ZUP1: variants seen among roughly 807,000 people sequenced by gnomAD.
ZUP1 encodes zinc finger-containing ubiquitin peptidase 1.
A neutral mutation model predicts 68.1 loss-of-function variants in ZUP1; 55 were observed. The ratio of observed to expected loss-of-function variants is 0.81; its 90% CI spans 0.65 to 1.01. The LOEUF is 1.01. ZUP1 is among the 50% of genes least tolerant of loss of function. The pLI, the probability that ZUP1 is intolerant of heterozygous loss-of-function variation, is 0.00. For missense variants in ZUP1, 684 were observed against 674.9 expected, an observed-to-expected ratio of 1.01 and a Z score of -0.15; for synonymous variants, 223 against 221.5, an observed-to-expected ratio of 1.01 and a Z score of -0.06.
rs1340792592 is a variant in ZUP1 at position 116,647,584 on chromosome 6, G to A, written c.1343C>T (p.Ser448Leu). The A allele has an allele frequency of 4.4e-6, 7 of 1,577,194 alleles. No homozygotes were observed. Among genetic ancestry groups the A allele is most frequent in the Admixed American group, 3.4e-5 (2 of 58,742 alleles). Reference protein sequence around the residue: ...VKCHIVDFHKSTGPLGTHPRL... With the variant: ...VKCHIVDFHKLTGPLGTHPRL... ...AGGGTGTGTACCCAAAGGACCAGTT[G>A]ATTTGTGAAAATCAACAATATGACA... is the stretch of plus-strand genomic sequence containing the variant. Residue 448 changes from serine (S) to leucine (L), a missense_variant, in exon 8 of 10, where the codon TCA becomes TTA. Coordinates refer to ENST00000368576, the MANE Select transcript of ZUP1 (RefSeq NM_145062.3).
intron 9 of ZUP1, among the ~76,000 whole-genome samples, chr6:116,639,560 A>G (rs1084883): frequency 0.86 from 130,706 of 152,108 alleles, 56,580 homozygotes; most frequent in African/African-American, 0.96. Flanking sequence ...AGCCACTGCT[A>G]CTGATACCCA....
chr6:116,643,531 C>T (rs1363930924), intron 9 of ZUP1, among the ~76,000 whole-genome samples: 1 of 152,158 alleles, frequency 6.6e-6, no homozygotes, highest in Non-Finnish European at 1.5e-5. Context: ...AGAAATAATG[C>T]CGCATATCTA....
chr6:116,638,290 T>C (rs1299682848), intron 9 of ZUP1, among the ~76,000 whole-genome samples: 1 of 152,180 alleles, frequency 6.6e-6, no homozygotes, highest in Non-Finnish European at 1.5e-5. Flanking sequence ...TTACGCATTT[T>C]CTACACTTGA....
rs1562408225 is a variant in ZUP1, at chr6:116,656,823, T to C, written c.822A>G (p.Gly274=). Residue 274 remains glycine, a synonymous_variant, in exon 5 of 10, where the codon GGA becomes GGG. Coordinates refer to ENST00000368576, the MANE Select transcript of ZUP1 (RefSeq NM_145062.3). Reference sequence around the variant, plus strand: ...TATTTCGTAGTTGTTGTTGTTTGTATCCTCCAGAATTATCTAAACCATATT... The same window carrying C: ...TATTTCGTAGTTGTTGTTGTTTGTACCCTCCAGAATTATCTAAACCATATT... ...QRQYGLDNSG[G]YKQQQLRNME... is the part of the protein sequence containing the mutation. The C allele has an allele frequency of 1.9e-6, 3 of 1,606,188 alleles. No homozygotes were observed. Among genetic ancestry groups the C allele is most frequent in the Non-Finnish European group, 1.7e-6 (2 of 1,175,556 alleles).
intron 4 of ZUP1, among the ~76,000 whole-genome samples, chr6:116,657,707 G>C (rs1448873305): frequency 6.6e-6 from 1 of 152,164 alleles, no homozygotes; most frequent in South Asian, 2.1e-4. Flanking sequence ...ATACAAACCT[G>C]TTTAACTGAA....
At chr6:116,663,805 G>C (rs928425370) in intron 2 of ZUP1, among the ~76,000 whole-genome samples, 30 of 152,094 alleles carry the variant, frequency 2.0e-4, no homozygotes, top group African/African-American at 7.0e-4. Flanking sequence ...AAATTAGCTG[G>C]GCGTGGTGGT....
intron 9 of ZUP1, among the ~76,000 whole-genome samples, chr6:116,644,335 C>T (rs981571602): frequency 1.3e-5 from 2 of 152,160 alleles, no homozygotes; most frequent in African/African-American, 2.4e-5. Flanking sequence ...CATCCTATTA[C>T]TGGGTATATA....
chr6:116,661,310 T>G (rs941143242), intron 2 of ZUP1, among the ~76,000 whole-genome samples: 1 of 152,034 alleles, frequency 6.6e-6, no homozygotes, highest in African/African-American at 2.4e-5. Context: ...AGGGTCGAGA[T>G]AGAAGGCTGA....
At position 116,666,911 on chromosome 6, in the gene ZUP1, A is replaced by G; in HGVS notation, c.282T>C (p.Gly94=). ...GMEVNSSILS[G]CASNHPKNSA... ...AATTTTTTGGATGATTAGATGCACA[A>G]CCTGAAAGAATACTTGAATTAACTT... Residue 94 remains glycine, a synonymous_variant, in exon 2 of 10, where the codon GGT becomes GGC. Coordinates refer to ENST00000368576, the MANE Select transcript of ZUP1 (RefSeq NM_145062.3). The G allele has an allele frequency of 6.2e-7, 1 of 1,612,572 alleles. No individual in the cohort carries two copies. Among genetic ancestry groups the G allele is most frequent in the Non-Finnish European group, 8.5e-7 (1 of 1,179,596 alleles).
intron 9 of ZUP1, among the ~76,000 whole-genome samples, chr6:116,644,582 C>T (rs947623511): frequency 3.3e-5 from 5 of 151,426 alleles, no homozygotes; most frequent in Non-Finnish European, 7.4e-5. Context: ...AGTAAACTAT[C>T]GCAAGAACAA....
chr6:116,650,913 T>TACACAC (rs370152468), intron 7 of ZUP1, among the ~76,000 whole-genome samples: 16 of 149,788 alleles, frequency 1.1e-4, no homozygotes, highest in African/African-American at 3.9e-4. Flanking sequence ...AAAATGAGAC[T>TACACAC]ACACACACAC....
Position 116,666,882 on chromosome 6 carries a change from G to A in ZUP1, c.311C>T (p.Ala104Val). Reference sequence around the variant, plus strand: ...AGTACTATCTTTAGTCAGGTTTTGAGCTGAATTTTTTGGATGATTAGATGC... The same window carrying A: ...AGTACTATCTTTAGTCAGGTTTTGAACTGAATTTTTTGGATGATTAGATGC... ...GCASNHPKNS[A>V]QNLTKDSTLK... The change falls in exon 2 of 10, where the codon GCT (alanine) becomes GTT (valine). Residue 104 changes from alanine (A) to valine (V), a missense_variant. Coordinates refer to ENST00000368576, the MANE Select transcript of ZUP1 (RefSeq NM_145062.3). 6.2e-7 allele frequency: 1 copy of A among 1,611,124 alleles called. No homozygotes were observed. The highest frequency in any genetic ancestry group is 1.1e-5 in the South Asian group (1 of 90,342).
At chr6:116,668,432 G>A (rs895123887) in intron 1 of ZUP1, 134 bp downstream of exon 1, 1 of 152,414 alleles carries the variant, frequency 6.6e-6, no homozygotes, top group African/African-American at 2.4e-5. Flanking sequence ...GGTGGGTGAG[G>A]TCAGAAGACC....
intron 7 of ZUP1, among the ~76,000 whole-genome samples, chr6:116,649,154 CA>C (rs1314601854): frequency 2.0e-5 from 3 of 152,034 alleles, no homozygotes; most frequent in Admixed American, 1.3e-4. Flanking sequence ...TATACATACA[CA>C]CAACATTAGT....
chr6:116,664,949 G>A lies in ZUP1; in HGVS notation c.559+1685C>T, dbSNP rs75801313. 8.5e-3 allele frequency among the ~76,000 whole-genome samples: 1,287 copies of A among 151,610 alleles called. 21 individuals carry two copies. The highest frequency in any genetic ancestry group is 0.024 in the African/African-American group (1,007 of 41,340). ...AAAAGTGAAAATATAAAACATTAAA[G>A]TTTTTAGAATATATGAGAATAGCTT... On this transcript the variant is annotated intron_variant, in intron 2 of 9. Coordinates refer to ENST00000368576, the MANE Select transcript of ZUP1 (RefSeq NM_145062.3).
At position 116,658,931 on chromosome 6, in the gene ZUP1, G is replaced by T; in HGVS notation, c.671-7C>A. On this transcript the variant is annotated splice_region_variant and splice_polypyrimidine_tract_variant and intron_variant, in intron 3 of 9. Transcript: ENST00000368576. ...CACTGGACTCTATCCATGCCTGTTA[G>T]GTATTGTTAATGTTCAGAATAAAAT... 1.3e-6 allele frequency: 2 copies of T among 1,596,582 alleles called. No individual in the cohort carries two copies. The highest frequency in any genetic ancestry group is 8.5e-7 in the Non-Finnish European group (1 of 1,175,170).
rs1776088574 is a variant in ZUP1 at position 116,641,275 on chromosome 6, A to G, written c.1689+4439T>C. On this transcript the variant is annotated intron_variant, in intron 9 of 9. Coordinates refer to ENST00000368576, the MANE Select transcript of ZUP1 (RefSeq NM_145062.3). ...ACACCCCACTGTCAACATTAGACAG[A>G]TCAACGAGACAGGAAGTTAACAAGA... Among the ~76,000 whole-genome samples, 3 of 152,278 alleles carry G rather than the reference A, an allele frequency of 2.0e-5. 1 individual carries two copies. The highest frequency in any genetic ancestry group is 2.0e-4 in the Admixed American group (3 of 15,288).
intron 5 of ZUP1, among the ~76,000 whole-genome samples, chr6:116,653,452 G>T (rs1253973408): frequency 2.0e-5 from 3 of 151,734 alleles, no homozygotes; most frequent in Non-Finnish European, 2.9e-5. Flanking sequence ...GAAGAAAATG[G>T]GTTTTTGTCT....
intron 5 of ZUP1, among the ~76,000 whole-genome samples, chr6:116,654,063 A>C (rs1776592026): frequency 6.6e-6 from 1 of 151,998 alleles, no homozygotes; most frequent in African/African-American, 2.4e-5. Context: ...TTAACGAAAA[A>C]TAAAAATCTC....
Sources: gnomAD v4.1 joint callset for allele counts (sites outside exome capture counted in the v4.1 genomes callset) on GRCh38, gnomAD v4.1.1 for gene constraint, MANE v1.5 for transcripts, NCBI Gene and HGNC (gene_info 2026-07-23, HGNC 2026-07-21) for gene names.